ATP11B: variants seen among roughly 807,000 people sequenced by gnomAD.
ATP11B encodes the protein ATPase phospholipid transporting 11B (putative).
A neutral mutation model predicts 157.8 loss-of-function variants in ATP11B; 81 were observed. That is an observed-to-expected ratio of 0.51 (90% CI 0.43 to 0.62). ATP11B has a LOEUF of 0.62. ATP11B is among the 20% of genes least tolerant of loss of function. The pLI, the probability that ATP11B is intolerant of heterozygous loss-of-function variation, is 0.00. For missense variants in ATP11B, 1,165 were observed against 1,402.2 expected, an observed-to-expected ratio of 0.83 and a Z score of 2.70; for synonymous variants, 451 against 469.4, an observed-to-expected ratio of 0.96 and a Z score of 0.51.
At chr3:182,848,235 G>A (rs559262121) in intron 9 of ATP11B, among the ~76,000 whole-genome samples, 1 of 152,070 alleles carries the variant, frequency 6.6e-6, no homozygotes, top group East Asian at 1.9e-4. Context: ...TTTCATTCAG[G>A]TATCTGTTAC....
intron 10 of ATP11B, among the ~76,000 whole-genome samples, chr3:182,854,117 G>A (rs1720189499): frequency 6.6e-6 from 1 of 152,168 alleles, no homozygotes; most frequent in Non-Finnish European, 1.5e-5. Flanking sequence ...GCCTTATGCT[G>A]TACTCCAAAA....
intron 21 of ATP11B, among the ~76,000 whole-genome samples, chr3:182,884,405 ATAGCATT>A (rs1266487280): frequency 1.3e-5 from 2 of 152,190 alleles, no homozygotes; most frequent in African/African-American, 4.8e-5. Flanking sequence ...TAAGTATTTT[ATAGCATT>A]CTGTCCATCA....
chr3:182,863,109 G>A (rs557418078), intron 12 of ATP11B, among the ~76,000 whole-genome samples: 47 of 151,680 alleles, frequency 3.1e-4, no homozygotes, highest in Non-Finnish European at 5.9e-4. Context: ...GTAGAGATGG[G>A]GTTTCACCGT....
At chr3:182,851,469 C>G (rs1480559019) in intron 10 of ATP11B, among the ~76,000 whole-genome samples, 1 of 152,026 alleles carries the variant, frequency 6.6e-6, no homozygotes, top group Non-Finnish European at 1.5e-5. Flanking sequence ...GCTAGATGAA[C>G]TCAAATGATT....
At chr3:182,868,220 A>C (rs1037272958) in intron 15 of ATP11B, among the ~76,000 whole-genome samples, 2 of 151,718 alleles carry the variant, frequency 1.3e-5, no homozygotes, top group Non-Finnish European at 2.9e-5. Flanking sequence ...ACAGCTGTCT[A>C]TATCTAGTTT....
intron 2 of ATP11B, among the ~76,000 whole-genome samples, chr3:182,825,888 G>A (rs1433770282): frequency 6.6e-6 from 1 of 152,086 alleles, no homozygotes; most frequent in Non-Finnish European, 1.5e-5. Context: ...CAGACAGAGT[G>A]AGACTGTCTC....
chr3:182,919,573 T>G lies in ATP11B; in HGVS notation c.*1469T>G, dbSNP rs1370924125. The G allele has an allele frequency of 1.3e-5, 2 of 152,330 alleles. No homozygotes were observed. Among genetic ancestry groups the G allele is most frequent in the Non-Finnish European group, 2.9e-5 (2 of 68,036 alleles). 9.4% of individuals were successfully genotyped at this position (152,330 alleles called of 1,614,324 possible). ...AATGATTGTATACATATTAAGATAA[T>G]GGTTAAATGCGGTTTTACCAAGTTT... is the stretch of plus-strand genomic sequence containing the variant. On this transcript the variant is annotated 3_prime_UTR_variant, in exon 30 of 30. Transcript: ENST00000323116.
In ATP11B at chr3:182,857,989, G is replaced by T; in HGVS notation, c.963G>T (p.Trp321Cys). 6.2e-7 allele frequency: 1 copy of T among 1,612,104 alleles called. No homozygotes were observed. Among genetic ancestry groups the T allele is most frequent in the Non-Finnish European group, 8.5e-7 (1 of 1,178,606 alleles). Residue 321 changes from tryptophan to cysteine, a missense_variant, in exon 11 of 30, where the codon TGG becomes TGT. Coordinates refer to ENST00000323116, the MANE Select transcript of ATP11B (RefSeq NM_014616.3). Reference protein sequence around the residue: ...WQAEEKWDEPWYNQKTEHQRN... With the variant: ...WQAEEKWDEPCYNQKTEHQRN... ...CTGAAGAAAAATGGGATGAACCTTG[G>T]TATAACCAAAAAACAGAACATCAAA...
intron 12 of ATP11B, among the ~76,000 whole-genome samples, chr3:182,862,292 CA>C (rs1266316809): frequency 1.3e-5 from 2 of 149,414 alleles, no homozygotes; most frequent in South Asian, 2.1e-4. Context: ...AAAAAAAAAA[CA>C]AAAAAAACCT....
chr3:182,797,990 A>G (rs927435514), intron 1 of ATP11B, among the ~76,000 whole-genome samples: 2 of 152,160 alleles, frequency 1.3e-5, no homozygotes, highest in African/African-American at 4.8e-5. Flanking sequence ...AAAAAAAATT[A>G]GCTGGGCATT....
At chr3:182,855,204 A>G (rs946213745) in intron 10 of ATP11B, among the ~76,000 whole-genome samples, 5 of 152,210 alleles carry the variant, frequency 3.3e-5, no homozygotes, top group African/African-American at 1.2e-4. Flanking sequence ...AAGAATAGAT[A>G]CATAGATCAG....
chr3:182,904,888 TAAAAAAAA>T (rs1004716420), intron 28 of ATP11B, among the ~76,000 whole-genome samples: 1 of 101,888 alleles, frequency 9.8e-6, no homozygotes, highest in African/African-American at 3.9e-5. Flanking sequence ...GACTTCTTCT[TAAAAAAAA>T]AAAAAAAAAA....
intron 23 of ATP11B, among the ~76,000 whole-genome samples, chr3:182,886,243 T>TA (rs1348287172): frequency 6.6e-6 from 1 of 152,258 alleles, no homozygotes; most frequent in Middle Eastern, 3.4e-3. Flanking sequence ...TGGATGCTTT[T>TA]AAAAATAGAT....
At chr3:182,800,379 A>G (rs556735785) in intron 1 of ATP11B, among the ~76,000 whole-genome samples, 1 of 108,882 alleles carries the variant, frequency 9.2e-6, no homozygotes, top group East Asian at 2.6e-4. Flanking sequence ...TTGCCACCAC[A>G]CCCAGCTAAT....
At chr3:182,833,962 G>A (rs1307554228) in intron 4 of ATP11B, 1 of 152,212 alleles carries the variant, frequency 6.6e-6, no homozygotes, top group African/African-American at 2.4e-5. Flanking sequence ...GAAGCCAGAA[G>A]ATGCTTTGTT....
chr3:182,895,576 G>A (rs1225968299), intron 25 of ATP11B, among the ~76,000 whole-genome samples: 1 of 152,116 alleles, frequency 6.6e-6, no homozygotes, highest in African/African-American at 2.4e-5. Flanking sequence ...TTGAACCAGT[G>A]TTAAGATAAT....
At chr3:182,867,055 G>A (rs1401357907) in intron 14 of ATP11B, among the ~76,000 whole-genome samples, 3 of 151,582 alleles carry the variant, frequency 2.0e-5, no homozygotes, top group African/African-American at 7.3e-5. Context: ...CACCTGAGTA[G>A]CTGGGACTGA....
intron 24 of ATP11B, among the ~76,000 whole-genome samples, chr3:182,888,083 A>C (rs937237397): frequency 2.6e-5 from 4 of 152,228 alleles, no homozygotes; most frequent in African/African-American, 7.2e-5. Flanking sequence ...AGTAATAATT[A>C]GTGCAAAATC....
At position 182,865,577 on chromosome 3, in the gene ATP11B, C is replaced by T. The variant is rs186142123; in HGVS notation, c.1322C>T (p.Pro441Leu). 34 of 1,613,764 alleles carry T rather than the reference C, an allele frequency of 2.1e-5. No individual in the cohort carries two copies. The East Asian group carries it at 6.3e-4, about 30-fold the overall frequency. Residue 441 changes from proline (P) to leucine (L), a missense_variant, in exon 13 of 30, where the codon CCA becomes CTA. Coordinates refer to ENST00000323116, the MANE Select transcript of ATP11B (RefSeq NM_014616.3). ...AATGGTAGACTTGTACCCGAAGGAC[C>T]AACACCAGACTCTTCAGAAGGAAAC... ...EINGRLVPEG[P>L]TPDSSEGNLS...
Sources: allele counts gnomAD v4.1 joint callset (sites outside exome capture counted in the v4.1 genomes callset), GRCh38; gene constraint gnomAD v4.1.1; transcripts MANE v1.5; gene names NCBI Gene and HGNC (gene_info 2026-07-23, HGNC 2026-07-21).